The following SNTG2 variants were observed in gnomAD, a reference collection of about 807,000 sequenced individuals.
SNTG2 encodes gamma-2-syntrophin.
A neutral mutation model predicts 70.9 loss-of-function variants in SNTG2; 74 were observed. The ratio of observed to expected loss-of-function variants is 1.04; its 90% confidence interval spans 0.86 to 1.27. SNTG2 has a LOEUF of 1.27. Ranked by LOEUF, SNTG2 falls within the 50% of genes most tolerant of loss-of-function variation. The probability of loss-of-function intolerance (pLI) is 0.00; values close to 1 mark genes in which losing one functional copy is unlikely to be tolerated. For synonymous variants in SNTG2, 278 were observed against 273.8 expected (o/e 1.02, Z -0.15); for missense variants, 717 against 690.7 (o/e 1.04, Z -0.43).
intron 1 of SNTG2, among the ~76,000 whole-genome samples, chr2:968,524 T>G (rs1572174780): frequency 6.6e-6 from 1 of 152,298 alleles, no homozygotes; most frequent in East Asian, 1.9e-4. Flanking sequence ...TTGGACTTAT[T>G]TTGGTTGTGT....
At chr2:1,308,682 C>A in intron 15 of SNTG2, 96 bp downstream of exon 15, 3 of 1,017,358 alleles carry the variant, frequency 2.9e-6, no homozygotes, top group Non-Finnish European at 4.5e-6. Context: ...TAGAAGCCAC[C>A]AACCTTGCTG....
intron 1 of SNTG2, among the ~76,000 whole-genome samples, chr2:1,007,245 A>ACCCC (rs771971467): frequency 1.3e-5 from 2 of 152,138 alleles, no homozygotes; most frequent in Non-Finnish European, 2.9e-5. Flanking sequence ...GAAGGACATT[A>ACCCC]GACAGGCGAC....
chr2:1,244,540 C>T (rs982410208), intron 11 of SNTG2, among the ~76,000 whole-genome samples: 1 of 151,548 alleles, frequency 6.6e-6, no homozygotes, highest in Non-Finnish European at 1.5e-5. Context: ...ACTAAAAATA[C>T]AAAAAATTAG....
intron 9 of SNTG2, among the ~76,000 whole-genome samples, chr2:1,218,535 T>C (rs138992873): frequency 1.1e-3 from 162 of 152,354 alleles, no homozygotes; most frequent in African/African-American, 3.7e-3. Flanking sequence ...CAAAGCTGGA[T>C]TTGAGCCAGG....
At chr2:1,213,377 G>C (rs1674170475) in intron 9 of SNTG2, among the ~76,000 whole-genome samples, 1 of 152,108 alleles carries the variant, frequency 6.6e-6, no homozygotes, top group Admixed American at 6.5e-5. Flanking sequence ...CTATAAATAA[G>C]AGTTAGATTC....
intron 1 of SNTG2, among the ~76,000 whole-genome samples, chr2:1,051,349 T>C (rs1335341764): frequency 6.6e-6 from 1 of 152,212 alleles, no homozygotes; most frequent in African/African-American, 2.4e-5. Flanking sequence ...ACATGTGCTG[T>C]AAGTCTTTTG....
intron 1 of SNTG2, among the ~76,000 whole-genome samples, chr2:1,067,510 A>T (rs1663235034): frequency 1.3e-5 from 2 of 152,192 alleles, no homozygotes. Context: ...ATTTTAGGGA[A>T]ACCTAATATC....
At chr2:977,581 G>A (rs1033222548) in intron 1 of SNTG2, among the ~76,000 whole-genome samples, 2 of 152,058 alleles carry the variant, frequency 1.3e-5, no homozygotes, top group African/African-American at 4.8e-5. Flanking sequence ...CTCCCACTTG[G>A]GAACCTTTGC....
chr2:1,337,089 G>A (rs999453240), intron 16 of SNTG2, among the ~76,000 whole-genome samples: 2 of 152,022 alleles, frequency 1.3e-5, no homozygotes, highest in African/African-American at 2.4e-5. Context: ...TCCATTATAT[G>A]CATATACCCA....
At chr2:1,205,971 G>A (rs1457076411) in intron 8 of SNTG2, among the ~76,000 whole-genome samples, 1 of 152,196 alleles carries the variant, frequency 6.6e-6, no homozygotes, top group African/African-American at 2.4e-5. Context: ...GTTCTGTTTT[G>A]TTCCTCATCT....
intron 2 of SNTG2, among the ~76,000 whole-genome samples, chr2:1,084,042 A>G (rs1481663573): frequency 2.0e-5 from 3 of 150,670 alleles, no homozygotes; most frequent in African/African-American, 4.9e-5. Context: ...CTCCATCTCA[A>G]AAAAAAAAGG....
intron 1 of SNTG2, among the ~76,000 whole-genome samples, chr2:1,053,196 C>T (rs1018758254): frequency 6.6e-6 from 1 of 152,160 alleles, no homozygotes; most frequent in Admixed American, 6.5e-5. Context: ...CTTCACTGTG[C>T]TTTTCAGATC....
chr2:1,240,608 G>C (rs1011708046), intron 11 of SNTG2, among the ~76,000 whole-genome samples: 1 of 152,150 alleles, frequency 6.6e-6, no homozygotes, highest in African/African-American at 2.4e-5. Flanking sequence ...TTTAAATAGC[G>C]CACAAAAGAC....
intron 1 of SNTG2, among the ~76,000 whole-genome samples, chr2:1,033,366 C>A (rs1184338882): frequency 6.6e-6 from 1 of 152,066 alleles, no homozygotes; most frequent in Non-Finnish European, 1.5e-5. Flanking sequence ...TGGTCAGATC[C>A]AATTCTGACA....
At chr2:976,566 A>G (rs1430221091) in intron 1 of SNTG2, among the ~76,000 whole-genome samples, 2 of 152,210 alleles carry the variant, frequency 1.3e-5, no homozygotes, top group African/African-American at 2.4e-5. Context: ...GAAGCATGAC[A>G]GTGCTCCGGT....
At position 1,170,793 on chromosome 2, in the gene SNTG2, G is replaced by A. The variant is rs564687920; in HGVS notation, c.500-2299G>A. ...CTTGCTTCTGTTTGGGGGATATTGT[G>A]AATTATACCACCATGAGCATCCGTG... On this transcript the variant is annotated intron_variant, in intron 7 of 16. Coordinates refer to ENST00000308624, the MANE Select transcript of SNTG2 (RefSeq NM_018968.4). 4.9e-4 allele frequency among the ~76,000 whole-genome samples: 75 copies of A among 152,180 alleles called. No homozygotes were observed. The South Asian group carries it at 6.6e-3, about 13-fold the overall frequency.
chr2:1,000,410 AT>A (rs1661827779), intron 1 of SNTG2, among the ~76,000 whole-genome samples: 1 of 151,876 alleles, frequency 6.6e-6, no homozygotes, highest in South Asian at 2.1e-4. Flanking sequence ...AAAAGATAAG[AT>A]TTAAACAATC....
chr2:1,059,514 A>G (rs937343058), intron 1 of SNTG2, among the ~76,000 whole-genome samples: 8 of 152,326 alleles, frequency 5.3e-5, no homozygotes, highest in Non-Finnish European at 1.0e-4. Context: ...TGGAGTCACA[A>G]TTGGATTTGA....
At chr2:1,146,076 A>T (rs1415844823) in intron 6 of SNTG2, among the ~76,000 whole-genome samples, 1 of 152,176 alleles carries the variant, frequency 6.6e-6, no homozygotes, top group Non-Finnish European at 1.5e-5. Flanking sequence ...TAACTGCAAA[A>T]AATCCCACAG....
Sources: gnomAD v4.1 joint callset for allele counts (sites outside exome capture counted in the v4.1 genomes callset) on GRCh38, gnomAD v4.1.1 for gene constraint, MANE v1.5 for transcripts, NCBI Gene and HGNC (gene_info 2026-07-23, HGNC 2026-07-21) for gene names.